Variants in UNC13C observed in about 807,000 individuals in gnomAD.
The protein encoded by UNC13C is unc-13 homolog C.
In UNC13C, 174 loss-of-function variants were observed where a neutral mutation model predicts 245.4. The ratio of observed to expected loss-of-function variants is 0.71; its 90% CI spans 0.63 to 0.80. UNC13C has a LOEUF of 0.80. UNC13C is among the 30% of genes least tolerant of loss of function. The pLI is 0.00. For missense variants in UNC13C, 2,829 were observed against 2,602.9 expected, an observed-to-expected ratio of 1.09 and a Z score of -1.89; for synonymous variants, 992 against 895.1, an observed-to-expected ratio of 1.11 and a Z score of -1.93.
At chr15:54,411,258 A>C (rs2040411111) in intron 18 of UNC13C, among the ~76,000 whole-genome samples, 1 of 151,990 alleles carries the variant, frequency 6.6e-6, no homozygotes, top group African/African-American at 2.4e-5. Context: ...TATCAGTCAC[A>C]TGTTTTGCAA....
chr15:54,579,142 T>C (rs557470413), intron 30 of UNC13C, among the ~76,000 whole-genome samples: 80 of 152,252 alleles, frequency 5.3e-4, no homozygotes, highest in African/African-American at 1.4e-3. Context: ...GTTAGTGAAA[T>C]AAATCTTAAG....
intron 30 of UNC13C, among the ~76,000 whole-genome samples, chr15:54,569,539 T>C (rs978484875): frequency 2.0e-5 from 3 of 152,084 alleles, no homozygotes; most frequent in African/African-American, 4.8e-5. Context: ...GCAGAATCCA[T>C]GGATATCAAG....
At chr15:54,314,167 T>C (rs2037950341) in intron 13 of UNC13C, among the ~76,000 whole-genome samples, 1 of 151,626 alleles carries the variant, frequency 6.6e-6, no homozygotes, top group Non-Finnish European at 1.5e-5. Flanking sequence ...ATTGTGGAGC[T>C]ATTGGTCAAG....
intron 2 of UNC13C, among the ~76,000 whole-genome samples, chr15:54,096,629 T>C (rs1169783664): frequency 6.6e-6 from 1 of 152,168 alleles, no homozygotes; most frequent in Non-Finnish European, 1.5e-5. Context: ...TGTTTTTGCA[T>C]GTAAACAACT....
chr15:54,154,862 T>A (rs1421987315), intron 4 of UNC13C, among the ~76,000 whole-genome samples: 1 of 152,152 alleles, frequency 6.6e-6, no homozygotes, highest in Non-Finnish European at 1.5e-5. Flanking sequence ...TTGAAGAAAT[T>A]GTGTATAGGC....
chr15:54,395,836 A>G (rs943463774), intron 18 of UNC13C, among the ~76,000 whole-genome samples: 1 of 151,818 alleles, frequency 6.6e-6, no homozygotes, highest in South Asian at 2.1e-4. Context: ...TCAGGCATAC[A>G]TATTTGTTGA....
chr15:54,325,287 C>G (rs549827170), intron 14 of UNC13C, among the ~76,000 whole-genome samples: 28 of 152,040 alleles, frequency 1.8e-4, no homozygotes, highest in Non-Finnish European at 3.5e-4. Context: ...CACTTACACA[C>G]ACACATACAG....
chr15:54,628,314 A>T lies in UNC13C; in HGVS notation c.*1201A>T, dbSNP rs561917654. The T allele has an allele frequency of 1.2e-4, 19 of 152,522 alleles. No homozygotes were observed. Among genetic ancestry groups the T allele is most frequent in the Admixed American group, 9.8e-4 (15 of 15,284 alleles). 9.4% of individuals were successfully genotyped at this position (152,522 alleles called of 1,614,324 possible). A position where few individuals can be genotyped will look rare whatever the true frequency, so the allele number is the denominator to read the frequency against. On this transcript the variant is annotated 3_prime_UTR_variant, in exon 33 of 33. Transcript: ENST00000260323. ...TATGGCTGTAAAACAGTACTTTGTAATTATAACTTATGGTCATAACTGTTA... is the reference window on the plus strand; with the variant it reads ...TATGGCTGTAAAACAGTACTTTGTATTTATAACTTATGGTCATAACTGTTA...
intron 2 of UNC13C, among the ~76,000 whole-genome samples, chr15:54,076,329 T>A (rs1165677703): frequency 2.8e-5 from 4 of 141,150 alleles, no homozygotes; most frequent in African/African-American, 7.9e-5. Context: ...TCATTGTTCA[T>A]TTCCCACCTA....
chr15:54,067,233 A>G (rs1420086674), intron 2 of UNC13C, among the ~76,000 whole-genome samples: 1 of 152,166 alleles, frequency 6.6e-6, no homozygotes, highest in Non-Finnish European at 1.5e-5. Context: ...GTCGTCACAT[A>G]AACATCATCA....
At chr15:54,203,461 AGT>A (rs1346825939) in intron 4 of UNC13C, among the ~76,000 whole-genome samples, 1 of 128,508 alleles carries the variant, frequency 7.8e-6, no homozygotes, top group African/African-American at 2.8e-5. Flanking sequence ...AAGAAAATGT[AGT>A]GTGTGTGTAT....
chr15:53,952,518 A>G, the UNC13C span, among the ~76,000 whole-genome samples: 1 of 152,228 alleles, frequency 6.6e-6, no homozygotes, highest in Non-Finnish European at 1.5e-5. Context: ...TTTGTACCCA[A>G]ATAGTTCTCA....
chr15:53,938,887 C>A, the UNC13C span, among the ~76,000 whole-genome samples: 1 of 152,066 alleles, frequency 6.6e-6, no homozygotes, highest in African/African-American at 2.4e-5. Flanking sequence ...TAAATGCCCA[C>A]ATCAAAAAGT....
At chr15:54,313,814 G>A (rs1210582871) in intron 13 of UNC13C, among the ~76,000 whole-genome samples, 1 of 151,600 alleles carries the variant, frequency 6.6e-6, no homozygotes, top group Non-Finnish European at 1.5e-5. Context: ...TTATGTCAAA[G>A]ATATATCTGT....
At chr15:54,377,550 A>G (rs73417745) in intron 17 of UNC13C, among the ~76,000 whole-genome samples, 1,541 of 152,336 alleles carry the variant, frequency 0.01, 21 homozygotes, top group African/African-American at 0.035. Flanking sequence ...GTCTTAATCC[A>G]TTCAGACTGT....
At chr15:54,540,017 G>A (rs1896172270) in intron 26 of UNC13C, among the ~76,000 whole-genome samples, 1 of 151,990 alleles carries the variant, frequency 6.6e-6, no homozygotes, top group Non-Finnish European at 1.5e-5. Context: ...ACTTTTGAAA[G>A]AAATATGTCA....
At chr15:54,517,931 T>C (rs1895051594) in intron 24 of UNC13C, among the ~76,000 whole-genome samples, 2 of 152,132 alleles carry the variant, frequency 1.3e-5, no homozygotes, top group South Asian at 2.1e-4. Context: ...CCTCTTGTTG[T>C]ATAAATAGAG....
At chr15:54,374,576 G>C (rs2039563360) in intron 17 of UNC13C, among the ~76,000 whole-genome samples, 1 of 152,346 alleles carries the variant, frequency 6.6e-6, no homozygotes, top group East Asian at 1.9e-4. Context: ...CCAGGCAGCA[G>C]GAGCAGGCAT....
intron 5 of UNC13C, 127 bp downstream of exon 5, chr15:54,235,235 A>G (rs779716217): frequency 4.5e-6 from 3 of 664,256 alleles, no homozygotes; most frequent in East Asian, 2.9e-5. Context: ...ATGAGGCCAG[A>G]TGCTACCTGC....
Sources: allele counts gnomAD v4.1 joint callset (sites outside exome capture counted in the v4.1 genomes callset), GRCh38; gene constraint gnomAD v4.1.1; transcripts MANE v1.5; gene names NCBI Gene and HGNC (gene_info 2026-07-23, HGNC 2026-07-21).